The following TAS1R1 variants were observed in gnomAD, a reference collection of about 807,000 sequenced individuals.
TAS1R1 encodes taste 1 receptor member 1.
TAS1R1 carries 31 observed loss-of-function variants against 45.8 expected under a neutral mutation model. That is an observed-to-expected ratio of 0.68 (90% CI 0.51 to 0.91). The LOEUF (loss-of-function observed/expected upper bound fraction) is 0.91. Ranked by LOEUF, TAS1R1 falls within the 40% of genes least tolerant of loss-of-function variation. TAS1R1 has a pLI of 0.00. For synonymous variants in TAS1R1, 437 were observed against 448.4 expected, an observed-to-expected ratio of 0.97 and a Z score of 0.32; for missense variants, 1,051 against 1,063.9, an observed-to-expected ratio of 0.99 and a Z score of 0.17.
Position 6,571,203 on chromosome 1 carries a change from C to G in TAS1R1, c.486C>G (p.Phe162Leu), listed in dbSNP as rs1640006948. ...CCACAGCCGCCCTGCTGAGCCCTTT[C>G]CTGGTGCCCATGGTAAGCTGGAGCC... ...AATTAALLSP[F>L]LVPMISYAAS... is the part of the protein sequence containing the mutation. The change falls in exon 2 of 6, where the codon TTC becomes TTG. Residue 162 changes from phenylalanine to leucine, a missense_variant. Physicochemically the swap from Phe to Leu is conservative, Grantham distance 22. Transcript: ENST00000333172. The G allele has an allele frequency of 6.4e-7, 1 of 1,566,772 alleles. No individual in the cohort carries two copies. The highest frequency in any genetic ancestry group is 1.4e-5 in the African/African-American group (1 of 73,934).
intron 1 of TAS1R1, among the ~76,000 whole-genome samples, chr1:6,570,135 G>A (rs1488770541): frequency 6.6e-6 from 1 of 152,082 alleles, no homozygotes; most frequent in Admixed American, 6.6e-5. Flanking sequence ...GAGAAAGAAC[G>A]AGTAGACCCA....
At chr1:6,560,303 G>T (rs1038410614) in intron 1 of TAS1R1, among the ~76,000 whole-genome samples, 1 of 152,170 alleles carries the variant, frequency 6.6e-6, no homozygotes, top group African/African-American at 2.4e-5. Context: ...ATCTTGTAAG[G>T]TTAGCCGAGA....
chr1:6,559,416 G>A (rs1160217294), intron 1 of TAS1R1, among the ~76,000 whole-genome samples: 1 of 151,970 alleles, frequency 6.6e-6, no homozygotes, highest in African/African-American at 2.4e-5. Context: ...CAAGCACTTT[G>A]GGAGGCTGAG....
chr1:6,562,328 C>T (rs1639804380), intron 1 of TAS1R1, among the ~76,000 whole-genome samples: 1 of 152,136 alleles, frequency 6.6e-6, no homozygotes, highest in Admixed American at 6.6e-5. Flanking sequence ...GCCACCACGC[C>T]AGGCTAATTT....
chr1:6,577,720 C>T (rs948320521), intron 5 of TAS1R1, among the ~76,000 whole-genome samples: 8 of 151,836 alleles, frequency 5.3e-5, no homozygotes, highest in East Asian at 1.9e-4. Flanking sequence ...TCCAGCTACT[C>T]GGGAGGCTGA....
Position 6,579,650 on chromosome 1 carries a change from G to A in TAS1R1, c.*66G>A. The A allele has an allele frequency of 6.5e-7, 1 of 1,528,428 alleles. No individual in the cohort carries two copies. The allele number at this position is 1,528,428 out of a possible 1,614,324, so 94.7% of individuals were successfully genotyped here. A position where few individuals can be genotyped will look rare whatever the true frequency, so the allele number is the denominator to read the frequency against. On this transcript the variant is annotated 3_prime_UTR_variant, in exon 6 of 6. Coordinates refer to ENST00000333172, the MANE Select transcript of TAS1R1 (RefSeq NM_138697.4). ...TGAGGGTCGAAGGTCGAGCAGGCCGGGGGTGTCCGGGAGGTCTTTGGGCAT... is the reference window on the plus strand; with the variant it reads ...TGAGGGTCGAAGGTCGAGCAGGCCGAGGGTGTCCGGGAGGTCTTTGGGCAT...
chr1:6,568,158 C>T (rs1639911001), intron 1 of TAS1R1, among the ~76,000 whole-genome samples: 1 of 151,812 alleles, frequency 6.6e-6, no homozygotes, highest in African/African-American at 2.4e-5. Flanking sequence ...GTATTGAGAA[C>T]AATAGTTCCA....
At position 6,576,431 on chromosome 1, in the gene TAS1R1, A is replaced by T. The variant is rs751605907; in HGVS notation, c.1277A>T (p.His426Leu). ...VYPWQLLEQIHKVHFLLHKDT... is the reference protein window; with the variant it reads ...VYPWQLLEQILKVHFLLHKDT... Reference sequence around the variant, plus strand: ...TTCTTTCAGCTTTTGGAGCAGATCCACAAGGTGCATTTCCTTCTACACAAG... The same window carrying T: ...TTCTTTCAGCTTTTGGAGCAGATCCTCAAGGTGCATTTCCTTCTACACAAG... The change falls in exon 4 of 6, where the codon CAC (histidine) becomes CTC (leucine). Residue 426 changes from histidine (H) to leucine (L), a missense_variant. Physicochemically the swap from His to Leu is moderately conservative, Grantham distance 99. Transcript: ENST00000333172. 3.7e-6 allele frequency: 6 copies of T among 1,614,242 alleles called. No individual in the cohort carries two copies. The highest frequency in any genetic ancestry group is 3.3e-4 in the Middle Eastern group (2 of 6,062).
In TAS1R1 at chr1:6,579,692, G is replaced by T; in HGVS notation, c.*108G>T. 6.9e-7 allele frequency: 1 copy of T among 1,446,922 alleles called. No individual in the cohort carries two copies. Among genetic ancestry groups the T allele is most frequent in the Non-Finnish European group, 9.1e-7 (1 of 1,097,254 alleles). 89.6% of individuals were successfully genotyped at this position (1,446,922 alleles called of 1,614,324 possible). On this transcript the variant is annotated 3_prime_UTR_variant, in exon 6 of 6. Coordinates refer to ENST00000333172, the MANE Select transcript of TAS1R1 (RefSeq NM_138697.4). ...TTTGGGCATCGCGGTCTGGGGTTGGGACGTGTAAGCGCCTGGGAGAGCCTA... is the reference window on the plus strand; with the variant it reads ...TTTGGGCATCGCGGTCTGGGGTTGGTACGTGTAAGCGCCTGGGAGAGCCTA...
Position 6,578,979 on chromosome 1 carries a change from G to C in TAS1R1, c.1921G>C (p.Gly641Arg). ...GCTACGCCAGGCCCTCTTTGCCCTT[G>C]GTTTCACCATCTTCCTGTCCTGCCT... ...CLLRQALFAL[G>R]FTIFLSCLTV... Residue 641 changes from glycine (G) to arginine (R), a missense_variant, in exon 6 of 6, where the codon GGT becomes CGT. Physicochemically the swap from Gly to Arg is moderately radical, Grantham distance 125. Transcript: ENST00000333172. 2.5e-6 allele frequency: 4 copies of C among 1,614,140 alleles called. No homozygotes were observed. Among genetic ancestry groups the C allele is most frequent in the Non-Finnish European group, 3.4e-6 (4 of 1,180,002 alleles).
rs547039162 is a variant in TAS1R1, at chr1:6,555,487, C to A, written c.114C>A (p.Tyr38Ter). The part of the protein sequence containing the change: ...SSPDFTLPGD[Y>*]LLAGLFPLHS... ...CTGACTTCACCCTCCCCGGAGATTACCTCCTGGCAGGCCTGTTCCCTCTCC... is the reference window on the plus strand; with the variant it reads ...CTGACTTCACCCTCCCCGGAGATTAACTCCTGGCAGGCCTGTTCCCTCTCC... The change falls in exon 1 of 6, where the codon TAC (tyrosine) becomes TAA (stop). Residue 38 changes from tyrosine (Y) to a stop codon, truncating the protein, a stop_gained. Transcript: ENST00000333172. LOFTEE classifies it high-confidence loss of function. The A allele has an allele frequency of 1.3e-6, 2 of 1,581,138 alleles. No homozygotes were observed. Among genetic ancestry groups the A allele is most frequent in the Non-Finnish European group, 1.7e-6 (2 of 1,163,372 alleles).
intron 1 of TAS1R1, among the ~76,000 whole-genome samples, chr1:6,561,764 G>A (rs985046800): frequency 2.0e-5 from 3 of 151,674 alleles, no homozygotes; most frequent in Non-Finnish European, 2.9e-5. Flanking sequence ...GATGGATTCA[G>A]CTGTCTTACA....
chr1:6,575,403 C>A lies in TAS1R1; in HGVS notation c.1260+11C>A, dbSNP rs755957733. The A allele has an allele frequency of 1.9e-6, 3 of 1,544,090 alleles. No individual in the cohort carries two copies. The South Asian group carries it at 3.8e-5, about 19-fold the overall frequency. On this transcript the variant is annotated intron_variant, in intron 3 of 5. Coordinates refer to ENST00000333172, the MANE Select transcript of TAS1R1 (RefSeq NM_138697.4). ...GTCTACCCCTGGCAGGTAAGAGAGC[C>A]CACCCCAGCACCTCCTGTCAGGGAG... is the stretch of plus-strand genomic sequence containing the variant.
chr1:6,571,678 A>C (rs1232438292), intron 2 of TAS1R1, among the ~76,000 whole-genome samples: 1 of 152,092 alleles, frequency 6.6e-6, no homozygotes, highest in Non-Finnish European at 1.5e-5. Context: ...AAGTTAGCTG[A>C]GAGTGGTGGT....
Position 6,579,078 on chromosome 1 carries a change from G to A in TAS1R1, c.2020G>A (p.Val674Ile), listed in dbSNP as rs750729837. 19 of 1,613,530 alleles carry A rather than the reference G, an allele frequency of 1.2e-5. No homozygotes were observed. The Admixed American group carries it at 3.2e-4, about 27-fold the overall frequency. ...TKVPTFYHAWVQNHGAGLFVM... is the reference protein window; with the variant it reads ...TKVPTFYHAWIQNHGAGLFVM... Reference sequence around the variant, plus strand: ...GGTACCTACATTCTACCACGCCTGGGTCCAAAACCACGGTGCTGGCCTGTT... The same window carrying A: ...GGTACCTACATTCTACCACGCCTGGATCCAAAACCACGGTGCTGGCCTGTT... The change falls in exon 6 of 6, where the codon GTC becomes ATC. Residue 674 changes from valine (V) to isoleucine (I), a missense_variant. By Grantham distance (29) the Val-to-Ile change is conservative. Coordinates refer to ENST00000333172, the MANE Select transcript of TAS1R1 (RefSeq NM_138697.4).
At chr1:6,559,076 G>A (rs1354963528) in intron 1 of TAS1R1, among the ~76,000 whole-genome samples, 1 of 151,888 alleles carries the variant, frequency 6.6e-6, no homozygotes, top group Non-Finnish European at 1.5e-5. Flanking sequence ...TATTTTTTTA[G>A]CAGAGACGGG....
At chr1:6,573,725 C>T (rs929436869) in intron 2 of TAS1R1, among the ~76,000 whole-genome samples, 7 of 151,798 alleles carry the variant, frequency 4.6e-5, no homozygotes, top group East Asian at 3.9e-4. Context: ...TGCAGTGGCG[C>T]GATCTCGACT....
At chr1:6,562,087 T>C (rs984169364) in intron 1 of TAS1R1, among the ~76,000 whole-genome samples, 3 of 152,168 alleles carry the variant, frequency 2.0e-5, no homozygotes, top group Non-Finnish European at 2.9e-5. Flanking sequence ...GCATTTTCTT[T>C]GAAACATATG....
At chr1:6,573,095 CCT>C (rs1557807786) in intron 2 of TAS1R1, among the ~76,000 whole-genome samples, 1 of 152,222 alleles carries the variant, frequency 6.6e-6, no homozygotes, top group Non-Finnish European at 1.5e-5. Context: ...AAGGCTTCCC[CCT>C]GATTTTAGTC....
Sources: gnomAD v4.1 joint callset for allele counts (sites outside exome capture counted in the v4.1 genomes callset) on GRCh38, gnomAD v4.1.1 for gene constraint, MANE v1.5 for transcripts, NCBI Gene and HGNC (gene_info 2026-07-23, HGNC 2026-07-21) for gene names.